Variants in SLC17A6 observed in about 807,000 individuals in gnomAD.
SLC17A6 encodes vesicular glutamate transporter 2.
In SLC17A6, 35 loss-of-function variants were observed where a neutral mutation model predicts 67.1. That is an observed-to-expected ratio of 0.52 (90% CI 0.40 to 0.69). The LOEUF is 0.69. Ranked by LOEUF, SLC17A6 falls within the 30% of genes least tolerant of loss-of-function variation. The pLI, the probability that SLC17A6 is intolerant of heterozygous loss-of-function variation, is 0.00. For synonymous variants in SLC17A6, 285 were observed against 252.3 expected (o/e 1.13, Z -1.23); for missense variants, 588 against 723.9 (o/e 0.81, Z 2.15).
intron 1 of SLC17A6, among the ~76,000 whole-genome samples, chr11:22,339,155 ATATATATATGT>A (rs1855780036): frequency 7.0e-5 from 2 of 28,710 alleles, no homozygotes; most frequent in East Asian, 2.1e-3. Context: ...ATATATAGTT[ATATATATATGT>A]TATATATATA....
chr11:22,355,943 T>C (rs949830196), intron 3 of SLC17A6, among the ~76,000 whole-genome samples: 2 of 152,252 alleles, frequency 1.3e-5, no homozygotes, highest in African/African-American at 2.4e-5. Context: ...ACACATTGTC[T>C]CTGGACTACT....
At position 22,366,263 on chromosome 11, in the gene SLC17A6, T is replaced by C. The variant is rs79451070; in HGVS notation, c.891+574T>C. On this transcript the variant is annotated intron_variant, in intron 7 of 11. Transcript: ENST00000263160. Reference sequence around the variant, plus strand: ...TATACTGTAAGGAAACTTAAGTGAATGTGCCCCCCCCACCCTGTAAAATAT... The same window carrying C: ...TATACTGTAAGGAAACTTAAGTGAACGTGCCCCCCCCACCCTGTAAAATAT... Among the ~76,000 whole-genome samples, 1,467 of 152,204 alleles carry C rather than the reference T, an allele frequency of 9.6e-3. 31 individuals carry two copies. Among genetic ancestry groups the C allele is most frequent in the African/African-American group, 0.033 (1,389 of 41,526 alleles).
At chr11:22,351,254 A>G (rs1033218303) in intron 3 of SLC17A6, among the ~76,000 whole-genome samples, 1 of 152,138 alleles carries the variant, frequency 6.6e-6, no homozygotes, top group Non-Finnish European at 1.5e-5. Context: ...ATTATATTTC[A>G]GATTCAAGGG....
chr11:22,349,197 A>G (rs1366085371), intron 3 of SLC17A6, among the ~76,000 whole-genome samples: 2 of 152,216 alleles, frequency 1.3e-5, no homozygotes, highest in Non-Finnish European at 2.9e-5. Flanking sequence ...CTTATGTGTG[A>G]GAAAATAATT....
chr11:22,362,821 C>A lies in SLC17A6; in HGVS notation c.744C>A (p.Val248=), dbSNP rs755509653. The A allele has an allele frequency of 3.7e-6, 6 of 1,612,576 alleles. No individual in the cohort carries two copies. In the South Asian group the frequency reaches 5.5e-5, roughly 15 times the overall value. Residue 248 remains valine, a synonymous_variant, in exon 6 of 12, where the codon GTC becomes GTA. Coordinates refer to ENST00000263160, the MANE Select transcript of SLC17A6 (RefSeq NM_020346.3). ...QYTGWSSVFY[V]YGSFGMVWYM... ...CTGGCTGGTCTTCAGTGTTTTATGTCTACGGTATGTTATATTTCTATGCAA... is the reference window on the plus strand; with the variant it reads ...CTGGCTGGTCTTCAGTGTTTTATGTATACGGTATGTTATATTTCTATGCAA...
At chr11:22,338,998 G>A (rs1855770143) in intron 1 of SLC17A6, among the ~76,000 whole-genome samples, 2 of 147,952 alleles carry the variant, frequency 1.4e-5, no homozygotes, top group South Asian at 4.3e-4. Context: ...CTTTGATGCA[G>A]ACAAATGAAT....
intron 2 of SLC17A6, 117 bp from the exon 3 acceptor site, chr11:22,343,130 C>A: frequency 2.4e-6 from 2 of 836,892 alleles, no homozygotes; most frequent in African/African-American, 1.7e-5. Flanking sequence ...ACTCTTATCC[C>A]CAGAATGCAT....
intron 6 of SLC17A6, among the ~76,000 whole-genome samples, chr11:22,365,047 T>A (rs1467670344): frequency 1.3e-5 from 2 of 152,160 alleles, no homozygotes; most frequent in Non-Finnish European, 2.9e-5. Context: ...TTTTATTTAA[T>A]TGTCTGTTTG....
At chr11:22,351,869 G>A (rs1417172412) in intron 3 of SLC17A6, among the ~76,000 whole-genome samples, 1 of 152,102 alleles carries the variant, frequency 6.6e-6, no homozygotes, top group Admixed American at 6.6e-5. Flanking sequence ...AAAGTTAAGA[G>A]TAATCCTAGG....
At chr11:22,355,755 T>A (rs1331531920) in intron 3 of SLC17A6, among the ~76,000 whole-genome samples, 1 of 152,228 alleles carries the variant, frequency 6.6e-6, no homozygotes, top group African/African-American at 2.4e-5. Context: ...GTACAGAAGG[T>A]AACCTCTTCC....
chr11:22,355,009 G>T (rs1855981205), intron 3 of SLC17A6, among the ~76,000 whole-genome samples: 1 of 152,268 alleles, frequency 6.6e-6, no homozygotes, highest in Non-Finnish European at 1.5e-5. Flanking sequence ...AATCCTAAGA[G>T]ATACAACACA....
rs1479028856 is a variant in SLC17A6, at chr11:22,378,392, C to A, written c.*652C>A. On this transcript the variant is annotated 3_prime_UTR_variant, in exon 12 of 12. Coordinates refer to ENST00000263160, the MANE Select transcript of SLC17A6 (RefSeq NM_020346.3). ...GAGAACATGTAAGTTGAGGGGTATG[C>A]TTCATGTTCTTCCATCCATTTACCT... The A allele has an allele frequency of 1.3e-5, 2 of 152,536 alleles. No individual in the cohort carries two copies. Among genetic ancestry groups the A allele is most frequent in the Non-Finnish European group, 2.9e-5 (2 of 68,010 alleles). The allele number at this position is 152,536 out of a possible 1,614,324, so 9.4% of individuals were successfully genotyped here. A position where few individuals can be genotyped will look rare whatever the true frequency, so the allele number is the denominator to read the frequency against.
Position 22,378,154 on chromosome 11 carries a change from G to C in SLC17A6, c.*414G>C, listed in dbSNP as rs1856252450. ...TATTGCAAGATAGCACACAGAAGTT[G>C]GCTGCGTCAAGTAGAGGCGACATTT... On this transcript the variant is annotated 3_prime_UTR_variant, in exon 12 of 12. Coordinates refer to ENST00000263160, the MANE Select transcript of SLC17A6 (RefSeq NM_020346.3). The C allele has an allele frequency of 5.6e-6, 1 of 177,512 alleles. No individual in the cohort carries two copies. Among genetic ancestry groups the C allele is most frequent in the South Asian group, 1.9e-4 (1 of 5,130 alleles). The allele number at this position is 177,512 out of a possible 1,614,324, so 11.0% of individuals were successfully genotyped here.
intron 1 of SLC17A6, 47 bp downstream of exon 1, chr11:22,338,666 A>C (rs781504318): frequency 1.1e-5 from 15 of 1,388,422 alleles, no homozygotes; most frequent in Admixed American, 3.4e-5. Context: ...GCATGAAAAA[A>C]TCTGCAGGGC....
chr11:22,348,014 C>T (rs924149949), intron 3 of SLC17A6, among the ~76,000 whole-genome samples: 2 of 152,050 alleles, frequency 1.3e-5, no homozygotes, highest in Admixed American at 6.6e-5. Context: ...ATAGTGAACC[C>T]CACAACAGGA....
intron 3 of SLC17A6, among the ~76,000 whole-genome samples, chr11:22,346,829 TA>T (rs1204582915): frequency 2.7e-5 from 4 of 148,190 alleles, no homozygotes; most frequent in African/African-American, 7.3e-5. Context: ...ATATATGAAA[TA>T]TATATAAATA....
At chr11:22,349,110 C>T (rs536630163) in intron 3 of SLC17A6, among the ~76,000 whole-genome samples, 33 of 152,312 alleles carry the variant, frequency 2.2e-4, no homozygotes, top group African/African-American at 7.2e-4. Flanking sequence ...TTTTTCCTCT[C>T]TACTTACCTA....
intron 10 of SLC17A6, 138 bp from the exon 11 acceptor site, chr11:22,376,407 G>A (rs1012385962): frequency 1.8e-5 from 16 of 907,568 alleles, no homozygotes; most frequent in African/African-American, 1.3e-4. Flanking sequence ...TTATATCCCC[G>A]AGAGAAATTA....
rs1856026055 is a variant in SLC17A6, at chr11:22,359,509, A to G, written c.555A>G (p.Ile185Met). Residue 185 changes from isoleucine to methionine, a missense_variant, in exon 4 of 12, where the codon ATA (isoleucine) becomes ATG (methionine). Ile to Met is a conservative substitution (Grantham distance 10). Coordinates refer to ENST00000263160, the MANE Select transcript of SLC17A6 (RefSeq NM_020346.3). ...VHYGCVIFVR[I>M]LQGLVEGVTY... ...ATGGATGTGTCATCTTTGTCAGAAT[A>G]CTGCAGGGACTTGTTGAGGTATGTA... 1.3e-6 allele frequency: 2 copies of G among 1,594,800 alleles called. No homozygotes were observed. The highest frequency in any genetic ancestry group is 1.7e-5 in the Admixed American group (1 of 58,034).
Sources: allele counts gnomAD v4.1 joint callset (sites outside exome capture counted in the v4.1 genomes callset), GRCh38; gene constraint gnomAD v4.1.1; transcripts MANE v1.5; gene names NCBI Gene and HGNC (gene_info 2026-07-23, HGNC 2026-07-21).